ARHGAP42: variants seen among roughly 807,000 people sequenced by gnomAD.
The protein encoded by ARHGAP42 is Rho GTPase activating protein 42.
ARHGAP42 carries 63 observed loss-of-function variants against 125.0 expected under a neutral mutation model. That is an observed-to-expected ratio of 0.50 (90% confidence interval 0.41 to 0.62). The LOEUF (loss-of-function observed/expected upper bound fraction) is 0.62. Among genes scored for constraint, ARHGAP42 ranks in the 20% least tolerant of loss-of-function variants. The pLI is 0.00. For missense variants in ARHGAP42, 766 were observed against 1,024.2 expected, an observed-to-expected ratio of 0.75 and a Z score of 3.44; for synonymous variants, 339 against 351.0, an observed-to-expected ratio of 0.97 and a Z score of 0.38.
chr11:100,699,943 C>A (rs1358467767), intron 1 of ARHGAP42, among the ~76,000 whole-genome samples: 1 of 152,118 alleles, frequency 6.6e-6, no homozygotes, highest in Non-Finnish European at 1.5e-5. Context: ...TGGTTGCCAG[C>A]CATCCAGGGT....
intron 21 of ARHGAP42, among the ~76,000 whole-genome samples, chr11:100,977,669 C>G (rs1013932102): frequency 2.6e-5 from 4 of 152,130 alleles, no homozygotes; most frequent in African/African-American, 9.7e-5. Context: ...CTCTCTGAGC[C>G]ATTACTGGAT....
rs1164303158 is a variant in ARHGAP42, at chr11:100,976,367, A to G, written c.2166A>G (p.Lys722=). Residue 722 remains lysine (K), a synonymous_variant, in exon 20 of 24, where the codon AAA becomes AAG. Transcript: ENST00000298815. ...CCCCACCCATAGACCTAGTCAAGAAAGAGCCTTATGGGCTTTCAGGACTGA... is the reference window on the plus strand; with the variant it reads ...CCCCACCCATAGACCTAGTCAAGAAGGAGCCTTATGGGCTTTCAGGACTGA... ...DVSPPIDLVK[K]EPYGLSGLKR... is the part of the protein sequence containing the mutation. 1 of 1,551,082 alleles carries G rather than the reference A, an allele frequency of 6.4e-7. No individual in the cohort carries two copies. The highest frequency in any genetic ancestry group is 2.4e-5 in the East Asian group (1 of 40,916).
chr11:100,762,536 A>G (rs1441718910), intron 1 of ARHGAP42, among the ~76,000 whole-genome samples: 2 of 152,228 alleles, frequency 1.3e-5, no homozygotes, highest in African/African-American at 2.4e-5. Context: ...TGACTACTAC[A>G]TGCCAAACTT....
chr11:100,753,730 C>T (rs1215583638), intron 1 of ARHGAP42, among the ~76,000 whole-genome samples: 2 of 152,142 alleles, frequency 1.3e-5, no homozygotes, highest in African/African-American at 2.4e-5. Context: ...CATGCCCCAC[C>T]GCTTGCTATA....
chr11:100,949,508 A>G (rs529204122), intron 11 of ARHGAP42, among the ~76,000 whole-genome samples: 1 of 152,300 alleles, frequency 6.6e-6, no homozygotes, highest in South Asian at 2.1e-4. Context: ...AAATTTAGGG[A>G]ATAGTTTGTT....
intron 13 of ARHGAP42, among the ~76,000 whole-genome samples, chr11:100,960,406 C>T (rs1358972151): frequency 4.6e-5 from 7 of 152,074 alleles, no homozygotes; most frequent in African/African-American, 9.7e-5. Flanking sequence ...TTTAAACTCA[C>T]TTCTAGGAAA....
At chr11:100,782,977 A>G (rs897706430) in intron 2 of ARHGAP42, among the ~76,000 whole-genome samples, 2 of 152,228 alleles carry the variant, frequency 1.3e-5, no homozygotes, top group Non-Finnish European at 2.9e-5. Context: ...GAGCTGCCAG[A>G]CTGCCTAGCA....
chr11:100,695,245 A>G (rs1861255919), intron 1 of ARHGAP42, among the ~76,000 whole-genome samples: 1 of 152,220 alleles, frequency 6.6e-6, no homozygotes, highest in Non-Finnish European at 1.5e-5. Flanking sequence ...AAATGTAATT[A>G]TTTTAATTAT....
chr11:100,693,997 TCTTGG>T (rs1220911511), intron 1 of ARHGAP42, among the ~76,000 whole-genome samples: 1 of 151,950 alleles, frequency 6.6e-6, no homozygotes, highest in Non-Finnish European at 1.5e-5. Flanking sequence ...AGTGGCATGA[TCTTGG>T]CTTGCTGCAA....
At chr11:100,737,750 G>GA (rs1237350081) in intron 1 of ARHGAP42, among the ~76,000 whole-genome samples, 2 of 152,098 alleles carry the variant, frequency 1.3e-5, no homozygotes, top group Non-Finnish European at 2.9e-5. Flanking sequence ...ACTTAAAGCA[G>GA]AAAAAAGGAA....
chr11:100,865,103 G>A (rs1865537843), intron 4 of ARHGAP42, among the ~76,000 whole-genome samples: 1 of 152,132 alleles, frequency 6.6e-6, no homozygotes, highest in Non-Finnish European at 1.5e-5. Flanking sequence ...TTATAATAGA[G>A]CTTGATTTCT....
intron 1 of ARHGAP42, among the ~76,000 whole-genome samples, chr11:100,741,275 C>T (rs1413327216): frequency 6.6e-6 from 1 of 152,180 alleles, no homozygotes; most frequent in Non-Finnish European, 1.5e-5. Flanking sequence ...AAGTGATCCA[C>T]CCACCTCGGC....
At chr11:100,912,579 T>C (rs1035485957) in intron 4 of ARHGAP42, among the ~76,000 whole-genome samples, 2 of 152,166 alleles carry the variant, frequency 1.3e-5, no homozygotes, top group African/African-American at 4.8e-5. Context: ...TTAGTATTTG[T>C]TTCATATGGA....
In ARHGAP42 at chr11:100,687,560, C is replaced by T. The variant is rs978479605; in HGVS notation, c.-119C>T. On this transcript the variant is annotated 5_prime_UTR_variant, in exon 1 of 24. Coordinates refer to ENST00000298815, the MANE Select transcript of ARHGAP42 (RefSeq NM_152432.4). ...GTTTCCTCCGCGCAATCAGTCCCCT[C>T]GCGTCCCGGCGCCTTCCCCGCGATC... The T allele has an allele frequency of 2.7e-6, 2 of 753,052 alleles. No individual in the cohort carries two copies. The highest frequency in any genetic ancestry group is 1.9e-5 in the African/African-American group (1 of 53,282). The allele number at this position is 753,052 out of a possible 1,614,324, so 46.6% of individuals were successfully genotyped here.
chr11:100,809,453 A>G (rs1036459202), intron 3 of ARHGAP42, among the ~76,000 whole-genome samples: 5 of 152,250 alleles, frequency 3.3e-5, no homozygotes, highest in African/African-American at 1.2e-4. Flanking sequence ...TAATATGGCA[A>G]TGACCTTGAG....
intron 12 of ARHGAP42, among the ~76,000 whole-genome samples, chr11:100,950,508 A>G (rs976078935): frequency 2.0e-5 from 3 of 151,694 alleles, no homozygotes; most frequent in African/African-American, 7.3e-5. Context: ...TGTAAAATAT[A>G]AGGACCTTGT....
chr11:100,801,992 A>C lies in ARHGAP42; in HGVS notation c.312+6826A>C, dbSNP rs557479289. Among the ~76,000 whole-genome samples the C allele has an allele frequency of 2.0e-5, 3 of 152,358 alleles. No individual in the cohort carries two copies. In the East Asian group the frequency reaches 5.8e-4, roughly 29 times the overall value. ...ATTGGAAATGCTAGAATTTTTCCAC[A>C]TAAAATGCAGCACTTAAATGATTTG... On this transcript the variant is annotated intron_variant, in intron 3 of 23. Coordinates refer to ENST00000298815, the MANE Select transcript of ARHGAP42 (RefSeq NM_152432.4).
intron 9 of ARHGAP42, among the ~76,000 whole-genome samples, chr11:100,942,562 G>A (rs757525264): frequency 1.3e-5 from 2 of 152,110 alleles, no homozygotes; most frequent in African/African-American, 2.4e-5. Flanking sequence ...ATCTGAGCAC[G>A]CTGAAGCTGG....
intron 4 of ARHGAP42, among the ~76,000 whole-genome samples, chr11:100,875,134 TGTGTGTGTGTGTGTGTGTGG>T (rs1865789917): frequency 8.2e-6 from 1 of 122,166 alleles, no homozygotes; most frequent in African/African-American, 3.1e-5. Flanking sequence ...TGTGTGTGTG[TGTGTGTGTGTGTGTGTGTGG>T]CTCATGAACT....
Sources: allele counts gnomAD v4.1 joint callset (sites outside exome capture counted in the v4.1 genomes callset), GRCh38; gene constraint gnomAD v4.1.1; transcripts MANE v1.5; gene names NCBI Gene and HGNC (gene_info 2026-07-23, HGNC 2026-07-21).